The following MEI1 variants were observed in gnomAD, a reference collection of about 807,000 sequenced individuals.
MEI1 encodes meiosis inhibitor protein 1.
MEI1 carries 103 observed loss-of-function variants against 146.2 expected under a neutral mutation model. The ratio of observed to expected loss-of-function variants is 0.70; its 90% CI spans 0.60 to 0.83. The LOEUF (loss-of-function observed/expected upper bound fraction) is 0.83. Among genes scored for constraint, MEI1 ranks in the 40% least tolerant of loss-of-function variants. The pLI is 0.00. For missense variants in MEI1, 1,529 were observed against 1,533.0 expected, an observed-to-expected ratio of 1.00 and a Z score of 0.04; for synonymous variants, 652 against 628.2, an observed-to-expected ratio of 1.04 and a Z score of -0.57.
intron 11 of MEI1, among the ~76,000 whole-genome samples, chr22:41,738,363 C>T (rs904463339): frequency 2.0e-5 from 3 of 151,686 alleles, no homozygotes; most frequent in Non-Finnish European, 2.9e-5. Flanking sequence ...CCGAGGCGGG[C>T]GGATCACGAG....
intron 6 of MEI1, among the ~76,000 whole-genome samples, chr22:41,719,642 G>T (rs2070558589): frequency 6.6e-6 from 1 of 152,186 alleles, no homozygotes; most frequent in African/African-American, 2.4e-5. Context: ...CTGCATTGGG[G>T]ATTCAGTTTC....
At chr22:41,741,813 G>A (rs146128716) in intron 11 of MEI1, among the ~76,000 whole-genome samples, 9 of 152,198 alleles carry the variant, frequency 5.9e-5, no homozygotes, top group African/African-American at 1.7e-4. Context: ...GTGTGGTGGC[G>A]TGCGCCTGTA....
chr22:41,762,839 T>G (rs906214806), intron 18 of MEI1, among the ~76,000 whole-genome samples: 1 of 152,100 alleles, frequency 6.6e-6, no homozygotes, highest in Non-Finnish European at 1.5e-5. Flanking sequence ...AAGAGAGGGG[T>G]GGAGCAGCTG....
At chr22:41,730,477 C>A in intron 8 of MEI1, 44 bp from the exon 9 acceptor site, 1 of 1,346,716 alleles carries the variant, frequency 7.4e-7, no homozygotes, top group South Asian at 1.2e-5. Flanking sequence ...GGATCGTGAT[C>A]ACATGGCTGT....
Position 41,746,033 on chromosome 22 carries a change from TCTC to T in MEI1, c.1680+10_1680+12del, listed in dbSNP as rs747670683. On this transcript the variant is annotated splice_region_variant and intron_variant, in intron 14 of 30. Transcript: ENST00000401548. ...GTGTATCCCCATGGTGATGGTGGGT[TCTC>T]CTGAGCCACGGGCAACATGAAGCTT... is the stretch of plus-strand genomic sequence containing the variant. 9 of 1,580,874 alleles carry T rather than the reference TCTC, an allele frequency of 5.7e-6. No homozygotes were observed. The South Asian group carries it at 8.0e-5, about 14-fold the overall frequency.
chr22:41,765,804 A>G (rs934018214), intron 19 of MEI1, among the ~76,000 whole-genome samples: 1 of 152,014 alleles, frequency 6.6e-6, no homozygotes, highest in African/African-American at 2.4e-5. Flanking sequence ...CAGTGATCAA[A>G]ATCAAGAAAT....
chr22:41,779,038 A>G (rs1353728934), intron 22 of MEI1, among the ~76,000 whole-genome samples: 2 of 152,042 alleles, frequency 1.3e-5, no homozygotes, highest in Non-Finnish European at 2.9e-5. Context: ...AAAAATCAGC[A>G]TTATGAGGCC....
chr22:41,708,555 C>T (rs907526118), intron 3 of MEI1, among the ~76,000 whole-genome samples: 3 of 152,156 alleles, frequency 2.0e-5, no homozygotes, highest in Non-Finnish European at 4.4e-5. Context: ...TACCAAAAAT[C>T]GGAAAGCCAC....
intron 25 of MEI1, 53 bp from the exon 26 acceptor site, chr22:41,784,555 G>A: frequency 5.6e-6 from 9 of 1,599,580 alleles, no homozygotes; most frequent in Non-Finnish European, 6.0e-6. Flanking sequence ...ACAGAGCTGG[G>A]TGGGAGGTGG....
intron 26 of MEI1, among the ~76,000 whole-genome samples, chr22:41,791,834 A>T (rs762432854): frequency 6.6e-6 from 1 of 152,268 alleles, no homozygotes; most frequent in Non-Finnish European, 1.5e-5. Flanking sequence ...GTACTGACAC[A>T]TGCTACAACA....
chr22:41,738,722 A>G (rs868652698), intron 11 of MEI1, among the ~76,000 whole-genome samples: 11 of 151,948 alleles, frequency 7.2e-5, no homozygotes, highest in Middle Eastern at 3.2e-3. Flanking sequence ...CAGTAAGCCA[A>G]GATCACGCCA....
Position 41,752,674 on chromosome 22 carries a change from T to C in MEI1, c.1853+23T>C, listed in dbSNP as rs115817610. 425 of 1,579,628 alleles carry C rather than the reference T, an allele frequency of 2.7e-4. 1 individual carries two copies. The African/African-American group carries it at 5.2e-3, about 20-fold the overall frequency. On this transcript the variant is annotated intron_variant, in intron 16 of 30. Transcript: ENST00000401548. Reference sequence around the variant, plus strand: ...GAGGTATGTGTGGTCCCAGGCAAGATTGAGTGGCCAAGGGGCCAATGTCCC... The same window carrying C: ...GAGGTATGTGTGGTCCCAGGCAAGACTGAGTGGCCAAGGGGCCAATGTCCC...
chr22:41,749,466 G>A (rs1183430653), intron 15 of MEI1, among the ~76,000 whole-genome samples: 1 of 151,962 alleles, frequency 6.6e-6, no homozygotes, highest in Non-Finnish European at 1.5e-5. Flanking sequence ...GTAGAGATGG[G>A]GTTTCTCCAT....
intron 6 of MEI1, among the ~76,000 whole-genome samples, chr22:41,723,068 A>G (rs922189108): frequency 6.6e-6 from 1 of 151,966 alleles, no homozygotes; most frequent in African/African-American, 2.4e-5. Context: ...TTACGTACTT[A>G]TTTTTCAGAT....
chr22:41,788,704 G>A (rs1166181342), intron 26 of MEI1, among the ~76,000 whole-genome samples: 1 of 152,128 alleles, frequency 6.6e-6, no homozygotes, highest in Non-Finnish European at 1.5e-5. Flanking sequence ...GCCTCCCAAA[G>A]TGCTGGGATT....
intron 6 of MEI1, among the ~76,000 whole-genome samples, chr22:41,721,514 G>T (rs1355665567): frequency 6.6e-6 from 1 of 151,700 alleles, no homozygotes; most frequent in African/African-American, 2.4e-5. Context: ...AAAGTGCTGG[G>T]ATTACAGGTA....
chr22:41,788,180 C>A (rs1038308265), intron 26 of MEI1, among the ~76,000 whole-genome samples: 1 of 152,002 alleles, frequency 6.6e-6, no homozygotes, highest in African/African-American at 2.4e-5. Flanking sequence ...CAGGTACGCA[C>A]CACAATGCCT....
chr22:41,779,950 C>G (rs2075670740), intron 22 of MEI1, among the ~76,000 whole-genome samples: 1 of 152,174 alleles, frequency 6.6e-6, no homozygotes, highest in Non-Finnish European at 1.5e-5. Context: ...TGTGGACCCC[C>G]CAGCTCCTGT....
At position 41,703,461 on chromosome 22, in the gene MEI1, T is replaced by C. The variant is rs756116134; in HGVS notation, c.298+7T>C. On this transcript the variant is annotated splice_region_variant and intron_variant, in intron 2 of 30. Transcript: ENST00000401548. ...TTCATAAGTGTGCTTTTTGGTAAGA[T>C]TAAGAGGGAAATTTGACATGAGTTT... 3.9e-6 allele frequency: 6 copies of C among 1,557,688 alleles called. No individual in the cohort carries two copies. The South Asian group carries it at 7.2e-5, about 19-fold the overall frequency.
Sources: gnomAD v4.1 joint callset for allele counts (sites outside exome capture counted in the v4.1 genomes callset) on GRCh38, gnomAD v4.1.1 for gene constraint, MANE v1.5 for transcripts, NCBI Gene and HGNC (gene_info 2026-07-23, HGNC 2026-07-21) for gene names.